ABCA4: variants seen among roughly 807,000 people sequenced by gnomAD.
ABCA4 encodes ATP binding cassette subfamily A member 4.
In ABCA4, 196 loss-of-function variants were observed where a neutral mutation model predicts 263.7. The ratio of observed to expected loss-of-function variants is 0.74; its 90% CI spans 0.66 to 0.84. ABCA4 has a LOEUF of 0.84. ABCA4 is among the 40% of genes least tolerant of loss of function. ABCA4 has a pLI of 0.00. For missense variants in ABCA4, 2,792 were observed against 2,855.1 expected (o/e 0.98, Z 0.50); for synonymous variants, 1,133 against 1,094.2 (o/e 1.04, Z -0.70).
intron 13 of ABCA4, 47 bp from the exon 14 acceptor site, chr1:94,060,806 G>A: frequency 7.1e-7 from 1 of 1,416,180 alleles, no homozygotes; most frequent in East Asian, 2.4e-5. Context: ...TCTGTACCTG[G>A]TAGAGGCAGA....
At chr1:94,014,333 A>AG (rs998390441) in intron 38 of ABCA4, among the ~76,000 whole-genome samples, 101 of 135,614 alleles carry the variant, frequency 7.4e-4, no homozygotes, top group African/African-American at 2.8e-3. Context: ...CGGGGGAAGG[A>AG]GGGAGGAGGG....
At chr1:94,103,301 T>C (rs1466215096) in intron 4 of ABCA4, among the ~76,000 whole-genome samples, 159 bp from the exon 5 acceptor site, 2 of 152,122 alleles carry the variant, frequency 1.3e-5, no homozygotes, top group Admixed American at 1.3e-4. Context: ...CTCTTGCCAG[T>C]GGGCTGCCCC....
intron 5 of ABCA4, among the ~76,000 whole-genome samples, chr1:94,101,427 C>T (rs1228791182): frequency 2.0e-5 from 3 of 152,232 alleles, no homozygotes; most frequent in Admixed American, 1.3e-4. Context: ...ACCCTGCCTC[C>T]AGGCTGACCC....
chr1:94,107,374 TC>T (rs1366448797), intron 4 of ABCA4, among the ~76,000 whole-genome samples: 2 of 152,262 alleles, frequency 1.3e-5, no homozygotes, highest in Middle Eastern at 3.4e-3. Context: ...GGGCTTTACT[TC>T]CTCACGACCA....
At chr1:94,071,969 T>C (rs956187957) in intron 11 of ABCA4, among the ~76,000 whole-genome samples, 4 of 152,208 alleles carry the variant, frequency 2.6e-5, no homozygotes, top group Admixed American at 6.5e-5. Flanking sequence ...AAGAAAGAAA[T>C]AGGACAGATA....
intron 35 of ABCA4, 94 bp downstream of exon 35, chr1:94,021,146 A>G: frequency 1.3e-6 from 2 of 1,565,568 alleles, no homozygotes; most frequent in Non-Finnish European, 1.8e-6. Context: ...TACCATCCAA[A>G]TCAGCACTTC....
At position 94,062,562 on chromosome 1, in the gene ABCA4, G is replaced by A. The variant is rs774567553; in HGVS notation, c.1937+15C>T. On this transcript the variant is annotated intron_variant, in intron 13 of 49. Coordinates refer to ENST00000370225, the MANE Select transcript of ABCA4 (RefSeq NM_000350.3). ...TTAGCGTGTCATGGAGGAGGATCGC[G>A]AACTTCAGACTCACGAATCGTCCAC... is the stretch of plus-strand genomic sequence containing the variant. The A allele has an allele frequency of 9.5e-5, 153 of 1,606,072 alleles. No individual in the cohort carries two copies. Among genetic ancestry groups the A allele is most frequent in the Non-Finnish European group, 1.2e-4 (146 of 1,175,188 alleles).
chr1:94,101,945 C>G (rs1399473929), intron 5 of ABCA4, among the ~76,000 whole-genome samples: 1 of 152,188 alleles, frequency 6.6e-6, no homozygotes, highest in Non-Finnish European at 1.5e-5. Flanking sequence ...AACAAGCTCC[C>G]AGGCATCGCT....
chr1:94,097,552 T>C (rs1232973691), intron 6 of ABCA4, among the ~76,000 whole-genome samples: 2 of 152,212 alleles, frequency 1.3e-5, no homozygotes, highest in African/African-American at 2.4e-5. Flanking sequence ...AGAAATATTA[T>C]ATATGCCACC....
In ABCA4 at chr1:94,010,848, T is replaced by C; in HGVS notation, c.5666A>G (p.Tyr1889Cys). Residue 1889 changes from tyrosine to cysteine, a missense_variant, in exon 40 of 50, where the codon TAC becomes TGC. Transcript: ENST00000370225. Reference protein sequence around the residue: ...LFAMVVEGVVYFLLTLLVQRH... With the variant: ...LFAMVVEGVVCFLLTLLVQRH... ...CTGGACCAGCAGGGTCAGGAGGAAG[T>C]ACACCACCCCTTCCACCACCATGGC... 1 of 1,614,028 alleles carries C rather than the reference T, an allele frequency of 6.2e-7. No individual in the cohort carries two copies. The highest frequency in any genetic ancestry group is 8.5e-7 in the Non-Finnish European group (1 of 1,179,984).
At chr1:93,998,727 A>AT (rs560307288) in intron 47 of ABCA4, among the ~76,000 whole-genome samples, 222 of 145,888 alleles carry the variant, frequency 1.5e-3, no homozygotes, top group African/African-American at 5.6e-3. Flanking sequence ...ATTTTATTTT[A>AT]TTTTATTTTA....
At chr1:94,117,648 C>A (rs933509616) in intron 1 of ABCA4, among the ~76,000 whole-genome samples, 1 of 152,112 alleles carries the variant, frequency 6.6e-6, no homozygotes, top group Non-Finnish European at 1.5e-5. Context: ...TGGGAATGCA[C>A]GTTATCAGGA....
At chr1:94,022,148 C>A (rs1659920346) in intron 32 of ABCA4, among the ~76,000 whole-genome samples, 197 bp from the exon 33 acceptor site, 1 of 152,232 alleles carries the variant, frequency 6.6e-6, no homozygotes, top group South Asian at 2.1e-4. Context: ...AAACCCTCAT[C>A]CTGGCCTCTG....
chr1:94,064,348 T>C (rs1393669074), intron 11 of ABCA4, among the ~76,000 whole-genome samples: 4 of 152,196 alleles, frequency 2.6e-5, no homozygotes, highest in Non-Finnish European at 2.9e-5. Context: ...GCCCAGTGTA[T>C]TGGGGAAGCC....
chr1:94,098,828 T>C lies in ABCA4; in HGVS notation c.734A>G (p.Tyr245Cys), dbSNP rs74601638. 1 of 1,614,186 alleles carries C rather than the reference T, an allele frequency of 6.2e-7. No individual in the cohort carries two copies. The highest frequency in any genetic ancestry group is 2.2e-5 in the East Asian group (1 of 44,868). Residue 245 changes from tyrosine (Y) to cysteine (C), a missense_variant, in exon 6 of 50, where the codon TAT becomes TGT. Physicochemically the swap from Tyr to Cys is radical, Grantham distance 194 (BLOSUM62 -2). Coordinates refer to ENST00000370225, the MANE Select transcript of ABCA4 (RefSeq NM_000350.3). Reference sequence around the variant, plus strand: ...GAGCTTGAAGAAGTCCACGTTGGCATACAGAGTGTCTTCTATCCACTGTAG... The same window carrying C: ...GAGCTTGAAGAAGTCCACGTTGGCACACAGAGTGTCTTCTATCCACTGTAG... Reference protein sequence around the residue: ...GTLQWIEDTLYANVDFFKLFR... With the variant: ...GTLQWIEDTLCANVDFFKLFR...
At chr1:94,044,344 C>T (rs994493354) in intron 20 of ABCA4, among the ~76,000 whole-genome samples, 3 of 152,192 alleles carry the variant, frequency 2.0e-5, no homozygotes, top group South Asian at 2.1e-4. Flanking sequence ...GCTCGGGGAT[C>T]GATCAGCTGC....
chr1:94,095,628 G>A (rs1414614396), intron 6 of ABCA4, among the ~76,000 whole-genome samples: 2 of 152,062 alleles, frequency 1.3e-5, no homozygotes, highest in Non-Finnish European at 2.9e-5. Context: ...TCAGAGGATC[G>A]GAGGGTCTGC....
chr1:94,007,459 C>T (rs1391467826), intron 43 of ABCA4, among the ~76,000 whole-genome samples, 175 bp downstream of exon 43: 1 of 146,066 alleles, frequency 6.8e-6, no homozygotes, highest in Admixed American at 6.8e-5. Context: ...GTTCACTTTT[C>T]CATTGGGTCT....
At chr1:94,043,165 T>C (rs990596151) in intron 21 of ABCA4, among the ~76,000 whole-genome samples, 171 bp downstream of exon 21, 1 of 152,208 alleles carries the variant, frequency 6.6e-6, no homozygotes, top group African/African-American at 2.4e-5. Context: ...TGTGAGACAG[T>C]GCTCTGCAGG....
Sources: gnomAD v4.1 joint callset for allele counts (sites outside exome capture counted in the v4.1 genomes callset) on GRCh38, gnomAD v4.1.1 for gene constraint, MANE v1.5 for transcripts, NCBI Gene and HGNC (gene_info 2026-07-23, HGNC 2026-07-21) for gene names.